PODXL: variants seen among roughly 807,000 people sequenced by gnomAD.
PODXL encodes podocalyxin like.
In PODXL, 20 loss-of-function variants were observed where a neutral mutation model predicts 48.9. That is an observed-to-expected ratio of 0.41 (90% CI 0.29 to 0.59). The LOEUF is 0.59. Among genes scored for constraint, PODXL ranks in the 20% least tolerant of loss-of-function variants. The probability of loss-of-function intolerance (pLI) is 0.31; values close to 1 mark genes in which losing one functional copy is unlikely to be tolerated. For missense variants in PODXL, 606 were observed against 675.1 expected (o/e 0.90, Z 1.13); for synonymous variants, 295 against 287.4 (o/e 1.03, Z -0.27).
intron 1 of PODXL, among the ~76,000 whole-genome samples, chr7:131,511,681 C>A (rs1244869497): frequency 6.6e-6 from 1 of 151,988 alleles, no homozygotes; most frequent in African/African-American, 2.4e-5. Context: ...GTCTTGAACT[C>A]CTGGGCTCAA....
At chr7:131,553,071 G>C (rs895826718) in intron 1 of PODXL, among the ~76,000 whole-genome samples, 1 of 152,078 alleles carries the variant, frequency 6.6e-6, no homozygotes, top group Non-Finnish European at 1.5e-5. Flanking sequence ...CCAGGCGTGA[G>C]CAGCCACACC....
Position 131,504,814 on chromosome 7 carries a change from T to A in PODXL, c.1480-306A>T, listed in dbSNP as rs991935117. ...CCCCTTCATCCCTTCCCCCAAAACC[T>A]CCTCTCCAGGCACCTACCTCACCTA... On this transcript the variant is annotated intron_variant, in intron 8 of 8. Coordinates refer to ENST00000378555, the MANE Select transcript of PODXL (RefSeq NM_001018111.3). 1.1e-4 allele frequency among the ~76,000 whole-genome samples: 16 copies of A among 151,950 alleles called. 1 individual carries two copies. Among genetic ancestry groups the A allele is most frequent in the African/African-American group, 3.1e-4 (13 of 41,444 alleles).
chr7:131,506,969 T>C (rs1797819004), intron 5 of PODXL: 1 of 557,918 alleles, frequency 1.8e-6, no homozygotes, highest in Non-Finnish European at 3.2e-6. Context: ...ACTGTGTTTA[T>C]CTGGTCTACG....
At chr7:131,521,334 T>G (rs1798089138) in intron 1 of PODXL, among the ~76,000 whole-genome samples, 2 of 67,280 alleles carry the variant, frequency 3.0e-5, no homozygotes, top group African/African-American at 4.5e-5. Context: ...AAGATTAAGG[T>G]CAATTTTTTT....
chr7:131,517,885 C>T (rs1240503288), intron 1 of PODXL, among the ~76,000 whole-genome samples: 7 of 152,138 alleles, frequency 4.6e-5, no homozygotes, highest in African/African-American at 1.7e-4. Context: ...ACCACAGGTA[C>T]ACACCACTAC....
chr7:131,512,592 C>G (rs1797932867), intron 1 of PODXL, among the ~76,000 whole-genome samples: 1 of 152,120 alleles, frequency 6.6e-6, no homozygotes, highest in Middle Eastern at 3.4e-3. Flanking sequence ...AAGGAGGGGT[C>G]AGGTTCAGGG....
intron 1 of PODXL, among the ~76,000 whole-genome samples, chr7:131,552,868 CCT>C (rs1798689654): frequency 1.3e-5 from 2 of 152,132 alleles, no homozygotes; most frequent in South Asian, 2.1e-4. Context: ...CTCACTGCAA[CCT>C]CTGTCTCCCA....
At chr7:131,528,895 A>G (rs1798229269) in intron 1 of PODXL, among the ~76,000 whole-genome samples, 1 of 152,178 alleles carries the variant, frequency 6.6e-6, no homozygotes, top group Non-Finnish European at 1.5e-5. Context: ...ACAGGCAATG[A>G]GGAAGGTTAC....
chr7:131,506,268 G>A lies in PODXL; in HGVS notation c.1303C>T (p.Leu435=). 6.2e-7 allele frequency: 1 copy of A among 1,614,170 alleles called. No individual in the cohort carries two copies. Among genetic ancestry groups the A allele is most frequent in the Non-Finnish European group, 8.5e-7 (1 of 1,179,998 alleles). ...CTTGGGGGGCCGCTTACCTCCTTTAGTTCATCCCATTTGTCCTTCAGCCGC... is the reference window on the plus strand; with the variant it reads ...CTTGGGGGGCCGCTTACCTCCTTTAATTCATCCCATTTGTCCTTCAGCCGC... ...YERLKDKWDE[L]KEAGVSDMKL... The change falls in exon 7 of 9, where the codon CTA becomes TTA. Residue 435 remains leucine (L), a synonymous_variant. Coordinates refer to ENST00000378555, the MANE Select transcript of PODXL (RefSeq NM_001018111.3).
chr7:131,505,796 G>T lies in PODXL; in HGVS notation c.1479+72C>A, dbSNP rs554396018. 5.0e-6 allele frequency: 7 copies of T among 1,409,886 alleles called. No individual in the cohort carries two copies. In the African/African-American group the frequency reaches 8.5e-5, roughly 17 times the overall value. 87.3% of individuals were successfully genotyped at this position (1,409,886 alleles called of 1,614,324 possible). ...TGCTCCCTTTCCTCTTCTGCAACTCGGGAATCACGAGGGGAGGGTTCCTCT... is the reference window on the plus strand; with the variant it reads ...TGCTCCCTTTCCTCTTCTGCAACTCTGGAATCACGAGGGGAGGGTTCCTCT... On this transcript the variant is annotated intron_variant, in intron 8 of 8. Transcript: ENST00000378555.
At position 131,523,692 on chromosome 7, in the gene PODXL, A is replaced by G. The variant is rs1295144837; in HGVS notation, c.101-12259T>C. Among the ~76,000 whole-genome samples, 9 of 141,790 alleles carry G rather than the reference A, an allele frequency of 6.3e-5. No homozygotes were observed. In the East Asian group the frequency reaches 1.5e-3, roughly 23 times the overall value. 93.0% of individuals were successfully genotyped at this position (141,790 alleles called of 152,430 possible). On this transcript the variant is annotated intron_variant, in intron 1 of 8. Coordinates refer to ENST00000378555, the MANE Select transcript of PODXL (RefSeq NM_001018111.3). ...AGAATCCGTCTCAAAAAAAAAAAAA[A>G]AAAAAAAAAACAAGAAAAGAAAAAG...
intron 1 of PODXL, 45 bp downstream of exon 1, chr7:131,556,215 A>G (rs1798740194): frequency 2.1e-6 from 3 of 1,424,182 alleles, no homozygotes; most frequent in Non-Finnish European, 2.8e-6. Flanking sequence ...CAGGGGGCAC[A>G]TGGGCACGGT....
chr7:131,505,842 C>T, intron 8 of PODXL, 26 bp downstream of exon 8: 1 of 1,542,480 alleles, frequency 6.5e-7, no homozygotes, highest in Non-Finnish European at 8.7e-7. Flanking sequence ...GCTGCTTCCC[C>T]TGTGTGGCTG....
intron 1 of PODXL, among the ~76,000 whole-genome samples, chr7:131,549,581 C>T (rs1214473961): frequency 6.6e-6 from 1 of 152,218 alleles, no homozygotes; most frequent in Non-Finnish European, 1.5e-5. Flanking sequence ...GTCCCTTCTA[C>T]TCTGATCAGG....
intron 1 of PODXL, among the ~76,000 whole-genome samples, chr7:131,546,701 G>A (rs1562918533): frequency 7.1e-6 from 1 of 139,890 alleles, no homozygotes; most frequent in Admixed American, 7.9e-5. Flanking sequence ...ACTCCAGCCT[G>A]GGCAACACAG....
intron 1 of PODXL, among the ~76,000 whole-genome samples, chr7:131,524,482 C>A (rs1049192215): frequency 1.3e-5 from 2 of 150,636 alleles, no homozygotes; most frequent in Non-Finnish European, 3.0e-5. Flanking sequence ...GAAAAATTAC[C>A]AAAGATATAC....
chr7:131,556,237 C>T (rs1332281116), intron 1 of PODXL, 23 bp downstream of exon 1: 3 of 1,459,400 alleles, frequency 2.1e-6, no homozygotes, highest in African/African-American at 1.5e-5. Context: ...GGAGTCCCGG[C>T]GGAACCCAGG....
At chr7:131,524,342 T>C (rs1032856944) in intron 1 of PODXL, among the ~76,000 whole-genome samples, 21 of 92,832 alleles carry the variant, frequency 2.3e-4, no homozygotes, top group African/African-American at 5.3e-4. Flanking sequence ...CTGAGTTCAA[T>C]AGGAAACACA....
At chr7:131,514,199 C>T (rs1474248457) in intron 1 of PODXL, among the ~76,000 whole-genome samples, 1 of 152,160 alleles carries the variant, frequency 6.6e-6, no homozygotes, top group East Asian at 1.9e-4. Context: ...AGGTGGATCA[C>T]CTGAGGTCAC....
Sources: allele counts gnomAD v4.1 joint callset (sites outside exome capture counted in the v4.1 genomes callset), GRCh38; gene constraint gnomAD v4.1.1; transcripts MANE v1.5; gene names NCBI Gene and HGNC (gene_info 2026-07-23, HGNC 2026-07-21).